Variants in CTNNA2 observed in about 807,000 individuals in gnomAD.
CTNNA2 encodes the protein catenin alpha-2.
A neutral mutation model predicts 101.0 loss-of-function variants in CTNNA2; 42 were observed. The observed-to-expected ratio is 0.42, with a 90% CI of 0.32 to 0.54. The LOEUF is 0.54. CTNNA2 is among the 20% of genes least tolerant of loss of function. The pLI is 0.14. For missense variants in CTNNA2, 871 were observed against 1,223.1 expected (o/e 0.71, Z 4.29); for synonymous variants, 450 against 456.4 (o/e 0.99, Z 0.18).
chr2:80,546,227 T>A (rs1692046688), intron 11 of CTNNA2, among the ~76,000 whole-genome samples, 164 bp downstream of exon 11: 1 of 152,232 alleles, frequency 6.6e-6, no homozygotes, highest in Non-Finnish European at 1.5e-5. Flanking sequence ...CCCTCTTAGA[T>A]GCTTCGGTGT....
At chr2:79,418,350 T>C (rs1032458879) in intron 4 of CTNNA2, among the ~76,000 whole-genome samples, 2 of 152,102 alleles carry the variant, frequency 1.3e-5, no homozygotes. Context: ...ACAAAGGTGG[T>C]TGGTTGAGTT....
chr2:80,242,242 G>T (rs1332594801), intron 7 of CTNNA2, among the ~76,000 whole-genome samples: 1 of 152,140 alleles, frequency 6.6e-6, no homozygotes, highest in Non-Finnish European at 1.5e-5. Flanking sequence ...CATGGACATT[G>T]GATTGAAAGG....
At chr2:80,088,700 T>A (rs1324698376) in intron 7 of CTNNA2, among the ~76,000 whole-genome samples, 1 of 152,050 alleles carries the variant, frequency 6.6e-6, no homozygotes, top group Non-Finnish European at 1.5e-5. Flanking sequence ...CAATTGGTAT[T>A]TGTTCACTTA....
At chr2:79,678,609 T>C (rs1683351973) in intron 2 of CTNNA2, among the ~76,000 whole-genome samples, 1 of 151,954 alleles carries the variant, frequency 6.6e-6, no homozygotes, top group African/African-American at 2.4e-5. Context: ...TGGTAGGCTG[T>C]GTCCCTGTCT....
chr2:79,600,094 C>T (rs1007989021), intron 1 of CTNNA2, among the ~76,000 whole-genome samples: 6 of 152,140 alleles, frequency 3.9e-5, no homozygotes, highest in East Asian at 1.9e-4. Context: ...AAATTTCCTA[C>T]GCATAGGAAG....
At chr2:79,272,989 A>G (rs186500833) in intron 2 of CTNNA2, among the ~76,000 whole-genome samples, 4 of 152,216 alleles carry the variant, frequency 2.6e-5, no homozygotes, top group African/African-American at 9.6e-5. Flanking sequence ...AATGAAAAGT[A>G]TAATGTTAGG....
At chr2:80,628,347 G>A (rs578038985) in intron 18 of CTNNA2, among the ~76,000 whole-genome samples, 15 of 151,976 alleles carry the variant, frequency 9.9e-5, no homozygotes, top group South Asian at 2.1e-4. Context: ...GAGGCATCAC[G>A]TTACCTGACT....
At chr2:79,217,155 G>T (rs537977323) in intron 2 of CTNNA2, among the ~76,000 whole-genome samples, 1 of 152,168 alleles carries the variant, frequency 6.6e-6, no homozygotes, top group African/African-American at 2.4e-5. Context: ...AGAAAAGGAC[G>T]CTTACCTGAT....
In CTNNA2 at chr2:79,992,612, A is replaced by T. The variant is rs541345689; in HGVS notation, c.1056+82815A>T. Among the ~76,000 whole-genome samples the T allele has an allele frequency of 1.1e-4, 16 of 152,288 alleles. No homozygotes were observed. The South Asian group carries it at 3.3e-3, about 32-fold the overall frequency. The stretch of plus-strand genomic sequence containing the variant: ...GAAGGATTGAGGCTGCTATGCTAAG[A>T]GCGTTTATATGGGAGTTGTATTTTC... On this transcript the variant is annotated intron_variant, in intron 7 of 18. Transcript: ENST00000402739.
At chr2:80,630,724 C>A (rs1020277861) in intron 18 of CTNNA2, among the ~76,000 whole-genome samples, 15 of 152,036 alleles carry the variant, frequency 9.9e-5, no homozygotes, top group Non-Finnish European at 2.9e-5. Context: ...TAAGAAAAAA[C>A]TAAAGTGATA....
intron 7 of CTNNA2, among the ~76,000 whole-genome samples, chr2:80,108,498 C>T (rs1427612904): frequency 1.3e-5 from 2 of 152,202 alleles, no homozygotes; most frequent in Non-Finnish European, 2.9e-5. Flanking sequence ...GCCACTCCTC[C>T]ATCCCAGTTG....
rs533983967 is a variant in CTNNA2 at position 79,322,062 on chromosome 2, T to A, written c.-318+9266T>A. 4.6e-5 allele frequency among the ~76,000 whole-genome samples: 7 copies of A among 152,304 alleles called. No homozygotes were observed. The South Asian group carries it at 1.0e-3, about 23-fold the overall frequency. On this transcript the variant is annotated intron_variant, in intron 3 of 21. Transcript: ENST00000466387. ...ATTGGAGATGAAAGGACAACTGTGA[T>A]CACAGAAACTAATTAGGGAACAATT...
intron 2 of CTNNA2, among the ~76,000 whole-genome samples, chr2:79,670,304 A>G (rs1341353611): frequency 6.6e-6 from 1 of 152,138 alleles, no homozygotes; most frequent in Admixed American, 6.5e-5. Context: ...TCCCTACAAG[A>G]GCACAGGGAG....
rs533820060 is a variant in CTNNA2, at chr2:79,930,173, G to A, written c.1056+20376G>A. Among the ~76,000 whole-genome samples, 19 of 151,898 alleles carry A rather than the reference G, an allele frequency of 1.3e-4. 1 individual carries two copies. The South Asian group carries it at 1.9e-3, about 15-fold the overall frequency. The stretch of plus-strand genomic sequence containing the variant: ...AATCACTTGAACCTGGGAGGCAGAG[G>A]TGGAGGTTGCAGTGAGCCAAGATCA... On this transcript the variant is annotated intron_variant, in intron 7 of 18. Coordinates refer to ENST00000402739, the MANE Select transcript of CTNNA2 (RefSeq NM_001282597.3).
chr2:79,340,153 T>C (rs1677094869), intron 3 of CTNNA2: 1 of 152,164 alleles, frequency 6.6e-6, no homozygotes, highest in Non-Finnish European at 1.5e-5. Context: ...CTGAAAGATA[T>C]AATAAACAGA....
At chr2:80,447,097 C>G (rs1214125438) in intron 9 of CTNNA2, among the ~76,000 whole-genome samples, 1 of 152,042 alleles carries the variant, frequency 6.6e-6, no homozygotes, top group Non-Finnish European at 1.5e-5. Flanking sequence ...AGTGTTACTT[C>G]AGTTAAATGG....
At chr2:79,264,844 A>G (rs1050684853) in intron 2 of CTNNA2, among the ~76,000 whole-genome samples, 2 of 152,112 alleles carry the variant, frequency 1.3e-5, no homozygotes, top group African/African-American at 4.8e-5. Flanking sequence ...TCTAGCAACT[A>G]AAGTTCAATG....
At chr2:80,455,484 G>A (rs1470445451) in intron 9 of CTNNA2, among the ~76,000 whole-genome samples, 4 of 152,182 alleles carry the variant, frequency 2.6e-5, no homozygotes, top group Admixed American at 1.3e-4. Context: ...AGAGGAATGT[G>A]AGACTGACAT....
intron 1 of CTNNA2, among the ~76,000 whole-genome samples, chr2:79,193,326 GATT>G (rs1464439708): frequency 6.6e-6 from 1 of 152,114 alleles, no homozygotes; most frequent in Non-Finnish European, 1.5e-5. Flanking sequence ...GGTCCCATGA[GATT>G]ATAATACTGT....
Sources: gnomAD v4.1 joint callset for allele counts (sites outside exome capture counted in the v4.1 genomes callset) on GRCh38, gnomAD v4.1.1 for gene constraint, MANE v1.5 for transcripts, NCBI Gene and HGNC (gene_info 2026-07-23, HGNC 2026-07-21) for gene names.